Variants in SSBP2 observed in about 807,000 individuals in gnomAD.
SSBP2 encodes the protein single-stranded DNA-binding protein 2.
Under a neutral mutation model 61.8 loss-of-function variants are expected in SSBP2, and 17 were observed. The observed-to-expected ratio is 0.28, with a 90% CI of 0.19 to 0.41. The LOEUF (loss-of-function observed/expected upper bound fraction) is 0.41. Ranked by LOEUF, SSBP2 falls within the 10% of genes least tolerant of loss-of-function variation. The probability of loss-of-function intolerance (pLI) is 1.00; values close to 1 mark genes in which losing one functional copy is unlikely to be tolerated. For synonymous variants in SSBP2, 139 were observed against 141.3 expected (o/e 0.98, Z 0.12); for missense variants, 310 against 458.7 (o/e 0.68, Z 2.96).
At chr5:81,587,720 ACT>A (rs1041185466) in intron 4 of SSBP2, among the ~76,000 whole-genome samples, 4 of 151,234 alleles carry the variant, frequency 2.6e-5, no homozygotes, top group South Asian at 2.1e-4. Context: ...ACAGAGCTAG[ACT>A]CTGTCTCAAA....
chr5:81,705,533 T>A (rs1211603393), intron 1 of SSBP2, among the ~76,000 whole-genome samples: 3 of 152,192 alleles, frequency 2.0e-5, no homozygotes, highest in African/African-American at 7.2e-5. Context: ...TACTTTAGGA[T>A]AAAGAGCCAT....
chr5:81,584,145 G>GT (rs553993510), intron 4 of SSBP2, among the ~76,000 whole-genome samples: 4 of 151,832 alleles, frequency 2.6e-5, no homozygotes, highest in Non-Finnish European at 2.9e-5. Context: ...AAGTAGGTAG[G>GT]TTTTTTTTAT....
Position 81,466,897 on chromosome 5 carries a change from T to C in SSBP2, c.638+77A>G, listed in dbSNP as rs1764927366. 4 of 884,026 alleles carry C rather than the reference T, an allele frequency of 4.5e-6. No individual in the cohort carries two copies. The East Asian group carries it at 8.5e-5, about 19-fold the overall frequency. The allele number at this position is 884,026 out of a possible 1,614,324, so 54.8% of individuals were successfully genotyped here. ...CCAGAAAATAGAACACTTTACTAAA[T>C]AGAATAATATGGTATTATTTATATA... On this transcript the variant is annotated intron_variant, in intron 9 of 16. Coordinates refer to ENST00000320672, the MANE Select transcript of SSBP2 (RefSeq NM_012446.5).
chr5:81,544,289 CG>C (rs1024551981), intron 4 of SSBP2, among the ~76,000 whole-genome samples: 78 of 152,080 alleles, frequency 5.1e-4, no homozygotes, highest in Middle Eastern at 3.4e-3. Flanking sequence ...CCTCGTGATC[CG>C]CCCCCCTCAG....
At chr5:81,704,583 G>A (rs935571459) in intron 1 of SSBP2, among the ~76,000 whole-genome samples, 1 of 152,084 alleles carries the variant, frequency 6.6e-6, no homozygotes, top group Non-Finnish European at 1.5e-5. Flanking sequence ...GGATCACCAG[G>A]TCAGGAGCTC....
chr5:81,731,116 C>T (rs115025546), intron 1 of SSBP2, among the ~76,000 whole-genome samples: 3 of 152,068 alleles, frequency 2.0e-5, no homozygotes, highest in East Asian at 1.9e-4. Context: ...TACTGAAATG[C>T]GTGCCCTTAA....
In SSBP2 at chr5:81,461,036, AAT is replaced by A. The variant is rs111987789; in HGVS notation, c.687+17_687+18del. On this transcript the variant is annotated intron_variant, in intron 10 of 16. Transcript: ENST00000320672. ...TTACAAAATGCAAAATATTAAAAAA[AAT>A]ATATATATATACTCACTGAATTGGC... The A allele has an allele frequency of 1.2e-4, 155 of 1,292,256 alleles. No homozygotes were observed. Among genetic ancestry groups the A allele is most frequent in the Admixed American group, 4.2e-4 (14 of 32,950 alleles). 80.0% of individuals were successfully genotyped at this position (1,292,256 alleles called of 1,614,324 possible).
At chr5:81,460,648 T>G (rs1764472168) in intron 10 of SSBP2, among the ~76,000 whole-genome samples, 1 of 152,180 alleles carries the variant, frequency 6.6e-6, no homozygotes, top group Non-Finnish European at 1.5e-5. Flanking sequence ...GTAATTGATA[T>G]AGCAAATAAA....
rs143180273 is a variant in SSBP2 at position 81,444,222 on chromosome 5, C to G, written c.779-1499G>C. 3.3e-3 allele frequency among the ~76,000 whole-genome samples: 498 copies of G among 152,306 alleles called. 13 individuals are homozygous for G. The highest frequency in any genetic ancestry group is 0.03 in the Admixed American group (465 of 15,302). ...TCCTAACCTACTTTTGTGACCTTAA[C>G]TGTTTTTACATCCTTGTGTATGCTA... On this transcript the variant is annotated intron_variant, in intron 12 of 16. Transcript: ENST00000320672.
chr5:81,744,401 T>A (rs1244894698), intron 1 of SSBP2, among the ~76,000 whole-genome samples: 1 of 152,148 alleles, frequency 6.6e-6, no homozygotes, highest in Non-Finnish European at 1.5e-5. Flanking sequence ...ATCATATTAA[T>A]TTCAGGTAAG....
intron 5 of SSBP2, among the ~76,000 whole-genome samples, chr5:81,501,300 C>T (rs1767742822): frequency 7.6e-6 from 1 of 130,778 alleles, no homozygotes; most frequent in Non-Finnish European, 1.6e-5. Flanking sequence ...TACACCCACA[C>T]ACATGCATAC....
In SSBP2 at chr5:81,571,037, G is replaced by C. The variant is rs543610043; in HGVS notation, c.282+44436C>G. Reference sequence around the variant, plus strand: ...TTCATTATCACATGACATATTTCTAGACAGTAGATACTTCAGAATTCCTAT... The same window carrying C: ...TTCATTATCACATGACATATTTCTACACAGTAGATACTTCAGAATTCCTAT... On this transcript the variant is annotated intron_variant, in intron 4 of 16. Transcript: ENST00000320672. Among the ~76,000 whole-genome samples, 6 of 152,272 alleles carry C rather than the reference G, an allele frequency of 3.9e-5. No homozygotes were observed. In the South Asian group the frequency reaches 1.2e-3, roughly 32 times the overall value.
At chr5:81,615,925 G>A (rs1271328511) in intron 3 of SSBP2, among the ~76,000 whole-genome samples, 1 of 152,190 alleles carries the variant, frequency 6.6e-6, no homozygotes, top group Non-Finnish European at 1.5e-5. Flanking sequence ...TAATAATTAA[G>A]GAATCAAGTG....
intron 10 of SSBP2, among the ~76,000 whole-genome samples, chr5:81,457,510 G>GTC (rs1199769147): frequency 6.6e-6 from 1 of 152,104 alleles, no homozygotes; most frequent in African/African-American, 2.4e-5. Flanking sequence ...TTCAAAGTAA[G>GTC]TCTCTAAGTT....
chr5:81,537,043 G>T (rs775953903), intron 4 of SSBP2, among the ~76,000 whole-genome samples: 4 of 151,932 alleles, frequency 2.6e-5, no homozygotes, highest in Admixed American at 2.0e-4. Context: ...TCTGTTTTAG[G>T]AAAGATTAGA....
chr5:81,662,696 G>C (rs975541553), intron 1 of SSBP2, among the ~76,000 whole-genome samples: 15 of 152,054 alleles, frequency 9.9e-5, no homozygotes, highest in Admixed American at 8.5e-4. Flanking sequence ...CAGCTACTCA[G>C]GAGGCTGAGG....
chr5:81,453,909 A>G (rs1265474303), intron 10 of SSBP2, among the ~76,000 whole-genome samples: 1 of 152,246 alleles, frequency 6.6e-6, no homozygotes, highest in Non-Finnish European at 1.5e-5. Context: ...AAGGAGTCAA[A>G]TATCTCAAAT....
intron 1 of SSBP2, among the ~76,000 whole-genome samples, chr5:81,725,468 A>G (rs773304236): frequency 1.3e-5 from 2 of 152,198 alleles, no homozygotes; most frequent in Non-Finnish European, 2.9e-5. Flanking sequence ...ACTTAGTGAA[A>G]TGAAGTATAT....
At chr5:81,744,078 G>A (rs931932435) in intron 1 of SSBP2, among the ~76,000 whole-genome samples, 7 of 152,174 alleles carry the variant, frequency 4.6e-5, no homozygotes, top group Non-Finnish European at 8.8e-5. Context: ...AGTACCTACA[G>A]CCTACTGGAT....
Sources: allele counts gnomAD v4.1 joint callset (sites outside exome capture counted in the v4.1 genomes callset), GRCh38; gene constraint gnomAD v4.1.1; transcripts MANE v1.5; gene names NCBI Gene and HGNC (gene_info 2026-07-23, HGNC 2026-07-21).